Variants in ZNF99 observed in about 807,000 individuals in gnomAD.
The protein encoded by ZNF99 is zinc finger protein 99.
Under a neutral mutation model 12.8 loss-of-function variants are expected in ZNF99, and 8 were observed. The ratio of observed to expected loss-of-function variants is 0.62; its 90% CI spans 0.37 to 1.13. ZNF99 has a LOEUF of 1.13. Among genes scored for constraint, ZNF99 ranks in the 50% most tolerant of loss-of-function variants. The pLI, the probability that ZNF99 is intolerant of heterozygous loss-of-function variation, is 0.02. For missense variants in ZNF99, 1,007 were observed against 1,006.2 expected (o/e 1.00, Z -0.01); for synonymous variants, 318 against 319.0 (o/e 1.00, Z 0.03).
intron 3 of ZNF99, among the ~76,000 whole-genome samples, chr19:22,760,062 C>CT (rs1973133630): frequency 6.6e-6 from 1 of 152,090 alleles, no homozygotes; most frequent in Non-Finnish European, 1.5e-5. Flanking sequence ...CTTTTGGAGG[C>CT]TGAGGCAAGT....
rs1227498660 is a variant in ZNF99, at chr19:22,758,829, C to T, written c.1080G>A (p.Glu360=). ...FSQSSTLRKH[E]IIHTEEKPYK... ...AGGGTTTCTCTTCAGTATGAATTAT[C>T]TCATGTTTTCTAAGGGTTGAGGACT... The change falls in exon 4 of 4, where the codon GAG becomes GAA. Residue 360 remains glutamate (E), a synonymous_variant. Coordinates refer to ENST00000596209, the MANE Select transcript of ZNF99 (RefSeq NM_001080409.3). 1.2e-6 allele frequency: 2 copies of T among 1,606,010 alleles called. No individual in the cohort carries two copies. Among genetic ancestry groups the T allele is most frequent in the East Asian group, 2.3e-5 (1 of 44,396 alleles).
chr19:22,781,132 GT>G (rs909907165), intron 1 of ZNF99, among the ~76,000 whole-genome samples: 4 of 151,942 alleles, frequency 2.6e-5, no homozygotes, highest in African/African-American at 9.7e-5. Context: ...TTTGCCCTTG[GT>G]TAAGTATTTT....
At chr19:22,779,242 C>A (rs201958005) in intron 1 of ZNF99, among the ~76,000 whole-genome samples, 1 of 142,798 alleles carries the variant, frequency 7.0e-6, no homozygotes, top group South Asian at 2.1e-4. Context: ...ATAAATAAAT[C>A]GGGCCGGGCG....
At chr19:22,769,445 A>C in intron 1 of ZNF99, 121 bp from the exon 2 acceptor site, 2 of 1,117,726 alleles carry the variant, frequency 1.8e-6, no homozygotes, top group Non-Finnish European at 2.5e-6. Context: ...GGGATGACTG[A>C]ACGTATTCAG....
intron 3 of ZNF99, among the ~76,000 whole-genome samples, chr19:22,762,888 G>T (rs7257038): frequency 0.19 from 29,399 of 151,958 alleles, 3,799 homozygotes; most frequent in African/African-American, 0.37. Context: ...AAAAGTCACA[G>T]GATCATCTCA....
Position 22,768,305 on chromosome 19 carries a change from C to G in ZNF99, c.226G>C (p.Val76Leu), listed in dbSNP as rs757183785. 6.2e-7 allele frequency: 1 copy of G among 1,613,796 alleles called. No homozygotes were observed. Among genetic ancestry groups the G allele is most frequent in the Admixed American group, 1.7e-5 (1 of 59,994 alleles). Residue 76 changes from valine to leucine, a missense_variant and splice_region_variant, in exon 3 of 4, where the codon GTT becomes CTT. Val to Leu is a conservative substitution (Grantham distance 32). Transcript: ENST00000596209. ...GTTTCTTGTATTCACTCTCACATAC[C>G]TGGGGGTTTAGTTACCATCTCATGT... ...KRHEMVTKPP[V>L]ISSHFTQDFW...
At chr19:22,771,679 C>CCA (rs1973272149) in intron 1 of ZNF99, among the ~76,000 whole-genome samples, 1 of 149,810 alleles carries the variant, frequency 6.7e-6, no homozygotes, top group Non-Finnish European at 1.5e-5. Flanking sequence ...TCTTGAGTAT[C>CCA]CACACCTTCC....
chr19:22,756,201 A>G lies in ZNF99; in HGVS notation c.*1113T>C, dbSNP rs1973048655. On this transcript the variant is annotated 3_prime_UTR_variant, in exon 4 of 4. Transcript: ENST00000596209. The stretch of plus-strand genomic sequence containing the variant: ...TTGAAAGCTTTGACACATTCTTCAC[A>G]TTTTTAGGGCTTCTCCCCAGTATGA... 5.1e-6 allele frequency: 8 copies of G among 1,560,430 alleles called. No homozygotes were observed. Among genetic ancestry groups the G allele is most frequent in the Non-Finnish European group, 5.2e-6 (6 of 1,150,468 alleles).
chr19:22,774,945 C>T (rs1023288369), intron 1 of ZNF99, among the ~76,000 whole-genome samples: 1 of 152,150 alleles, frequency 6.6e-6, no homozygotes, highest in Non-Finnish European at 1.5e-5. Flanking sequence ...ATTTTATGCT[C>T]ATAGGTAGAA....
At position 22,759,819 on chromosome 19, in the gene ZNF99, T is replaced by C. The variant is rs114822325; in HGVS notation, c.227-137A>G. 2.3e-3 allele frequency: 1,364 copies of C among 582,352 alleles called. 14 individuals are homozygous for C. Among genetic ancestry groups the C allele is most frequent in the African/African-American group, 0.017 (882 of 52,142 alleles). 36.1% of individuals were successfully genotyped at this position (582,352 alleles called of 1,614,324 possible). A position where few individuals can be genotyped will look rare whatever the true frequency, so the allele number is the denominator to read the frequency against. On this transcript the variant is annotated intron_variant, in intron 3 of 3. Transcript: ENST00000596209. ...AATAAGACAGGCCCTAATTTCTTCA[T>C]AGACATATAAATGTAATAAAAACAT...
At chr19:22,759,954 G>T (rs560249167) in intron 3 of ZNF99, among the ~76,000 whole-genome samples, 98 of 152,320 alleles carry the variant, frequency 6.4e-4, no homozygotes, top group Non-Finnish European at 1.3e-3. Context: ...GTCTGTTACA[G>T]TTTCCCAACT....
At position 22,757,926 on chromosome 19, in the gene ZNF99, G is replaced by C. The variant is rs1384172949; in HGVS notation, c.1983C>G (p.Ser661=). 1.2e-6 allele frequency: 2 copies of C among 1,611,084 alleles called. No homozygotes were observed. The highest frequency in any genetic ancestry group is 8.5e-7 in the Non-Finnish European group (1 of 1,178,852). The change falls in exon 4 of 4, where the codon TCC becomes TCG. Residue 661 remains serine, a synonymous_variant. Transcript: ENST00000596209. ...CEECGKAFKW[S]SHLTRHKVIH... is the part of the protein sequence containing the mutation. ...TTACTTTATGTCTAGTAAGGTGTGA[G>C]GACCACTTAAAAGCTTTACCACATT...
rs746379741 is a variant in ZNF99, at chr19:22,757,794, GTAGGGTTT to G, written c.2107_2114del (p.Lys703GlnfsTer3). On this transcript the variant is annotated frameshift_variant, in exon 4 of 4. Transcript: ENST00000596209. LOFTEE classifies it low-confidence loss of function (END_TRUNC). ...AAGCTTTGCCACATTCTTCACATTT[GTAGGGTTT>G]CTTTCCAGTATGAATTATCTTATGT... 62 of 1,612,024 alleles carry G rather than the reference GTAGGGTTT, an allele frequency of 3.8e-5. No homozygotes were observed. In the African/African-American group the frequency reaches 7.7e-4, roughly 20 times the overall value.
At chr19:22,779,200 C>A (rs1479668248) in intron 1 of ZNF99, among the ~76,000 whole-genome samples, 7 of 151,862 alleles carry the variant, frequency 4.6e-5, no homozygotes, top group Admixed American at 4.6e-4. Context: ...ACAGACTCTG[C>A]ACATTGTCTC....
intron 1 of ZNF99, among the ~76,000 whole-genome samples, chr19:22,776,889 T>C (rs1167599501): frequency 4.6e-5 from 7 of 152,082 alleles, no homozygotes; most frequent in Non-Finnish European, 8.8e-5. Context: ...CTCATGCCTG[T>C]AGTTCCAGCA....
rs141100932 is a variant in ZNF99 at position 22,762,817 on chromosome 19, G to A, written c.227-3135C>T. Among the ~76,000 whole-genome samples, 29 of 152,222 alleles carry A rather than the reference G, an allele frequency of 1.9e-4. 1 individual carries two copies. In the East Asian group the frequency reaches 4.1e-3, roughly 21 times the overall value. The stretch of plus-strand genomic sequence containing the variant: ...AAGTGGGTTTCATACCAGTGATGCA[G>A]GGATGGTTTAACAAATGCAAGTCAA... On this transcript the variant is annotated intron_variant, in intron 3 of 3. Transcript: ENST00000596209.
In ZNF99 at chr19:22,758,690, T is replaced by G. The variant is rs1299987528; in HGVS notation, c.1219A>C (p.Lys407Gln). 1.9e-6 allele frequency: 3 copies of G among 1,612,970 alleles called. No homozygotes were observed. The highest frequency in any genetic ancestry group is 4.5e-5 in the East Asian group (2 of 44,862). ...TGTACAGTAAGTTTTGAGGACCACT[T>G]AAAAGCTTTACCACATTCTTCACAT... ...YKCEECGKAF[K>Q]WSSKLTVHKV... The change falls in exon 4 of 4, where the codon AAG becomes CAG. Residue 407 changes from lysine (K) to glutamine (Q), a missense_variant. Coordinates refer to ENST00000596209, the MANE Select transcript of ZNF99 (RefSeq NM_001080409.3).
rs779200632 is a variant in ZNF99, at chr19:22,759,181, A to G, written c.728T>C (p.Met243Thr). The G allele has an allele frequency of 5.0e-6, 8 of 1,591,788 alleles. No individual in the cohort carries two copies. The South Asian group carries it at 5.6e-5, about 11-fold the overall frequency. Residue 243 changes from methionine to threonine, a missense_variant, in exon 4 of 4, where the codon ATG becomes ACG. Transcript: ENST00000596209. The part of the protein sequence containing the change: ...KCGKAFNISS[M>T]FTKCKIIHTG... Reference sequence around the variant, plus strand: ...ATGAATTATCTTACATTTAGTGAACATTGAAGAGATGTTAAAAGCTTTGCC... The same window carrying G: ...ATGAATTATCTTACATTTAGTGAACGTTGAAGAGATGTTAAAAGCTTTGCC...
chr19:22,776,194 T>C (rs1973324086), intron 1 of ZNF99, among the ~76,000 whole-genome samples: 2 of 149,080 alleles, frequency 1.3e-5, no homozygotes, highest in African/African-American at 4.9e-5. Flanking sequence ...CTACTAAAAA[T>C]AAAAAAATTA....
Sources: allele counts gnomAD v4.1 joint callset (sites outside exome capture counted in the v4.1 genomes callset), GRCh38; gene constraint gnomAD v4.1.1; transcripts MANE v1.5; gene names NCBI Gene and HGNC (gene_info 2026-07-23, HGNC 2026-07-21).